The following RUBCN variants were observed in gnomAD, a reference collection of about 807,000 sequenced individuals.
RUBCN encodes run domain Beclin-1-interacting and cysteine-rich domain-containing protein.
RUBCN carries 74 observed loss-of-function variants against 113.2 expected under a neutral mutation model. The observed-to-expected ratio is 0.65, with a 90% CI of 0.54 to 0.79. The LOEUF (loss-of-function observed/expected upper bound fraction) is 0.79. Among genes scored for constraint, RUBCN ranks in the 30% least tolerant of loss-of-function variants. The pLI is 0.00. For missense variants in RUBCN, 1,109 were observed against 1,251.7 expected, an observed-to-expected ratio of 0.89 and a Z score of 1.72; for synonymous variants, 480 against 490.0, an observed-to-expected ratio of 0.98 and a Z score of 0.27.
Position 197,718,009 on chromosome 3 carries a change from T to C in RUBCN, c.187A>G (p.Ser63Gly). 1 of 1,614,104 alleles carries C rather than the reference T, an allele frequency of 6.2e-7. No homozygotes were observed. The highest frequency in any genetic ancestry group is 1.1e-5 in the South Asian group (1 of 91,078). ...CGGATAAGCCCGTGATAGAGGATGC[T>C]CTGCATGTCCCTGCAAAGCCGCTCC... ...GLERLCRDMQ[S>G]ILYHGLIRDQ... Residue 63 changes from serine (S) to glycine (G), a missense_variant, in exon 2 of 20, where the codon AGC (serine) becomes GGC (glycine). Coordinates refer to ENST00000296343, the MANE Select transcript of RUBCN (RefSeq NM_014687.4).
chr3:197,704,498 C>T, intron 4 of RUBCN, 44 bp downstream of exon 4: 1 of 1,590,692 alleles, frequency 6.3e-7, no homozygotes, highest in Non-Finnish European at 8.6e-7. Flanking sequence ...AGGTGGGTGA[C>T]AACGAGGAAG....
chr3:197,747,609 C>G (rs1365625534), intron 1 of RUBCN, among the ~76,000 whole-genome samples: 1 of 151,910 alleles, frequency 6.6e-6, no homozygotes, highest in Non-Finnish European at 1.5e-5. Flanking sequence ...CAAAATGCCT[C>G]CAAACTCTAA....
In RUBCN at chr3:197,701,766, C is replaced by T; in HGVS notation, c.669G>A (p.Gln223=). The T allele has an allele frequency of 6.2e-7, 1 of 1,614,108 alleles. No homozygotes were observed. The highest frequency in any genetic ancestry group is 8.5e-7 in the Non-Finnish European group (1 of 1,179,968). The part of the protein sequence containing the change: ...STYTPPNSYA[Q]HSYFGSFSSL... Reference sequence around the variant, plus strand: ...TAGAGAAGGACCCAAAGTAGGAATGCTGAGCATAGCTGTTTGGAGGGGTGT... The same window carrying T: ...TAGAGAAGGACCCAAAGTAGGAATGTTGAGCATAGCTGTTTGGAGGGGTGT... The change falls in exon 6 of 20, where the codon CAG becomes CAA. Residue 223 remains glutamine (Q), a synonymous_variant. Transcript: ENST00000296343.
At chr3:197,700,423 C>T (rs1184877447) in intron 7 of RUBCN, 190 bp downstream of exon 7, 3 of 619,104 alleles carry the variant, frequency 4.8e-6, no homozygotes, top group Non-Finnish European at 8.5e-6. Context: ...TATAAAGAAA[C>T]AAACATAAAT....
Position 197,703,625 on chromosome 3 carries a change from C to A in RUBCN, c.493G>T (p.Val165Phe), listed in dbSNP as rs774764706. 1.9e-6 allele frequency: 3 copies of A among 1,613,798 alleles called. No homozygotes were observed. The highest frequency in any genetic ancestry group is 2.5e-6 in the Non-Finnish European group (3 of 1,179,904). The change falls in exon 5 of 20, where the codon GTC (valine) becomes TTC (phenylalanine). Residue 165 changes from valine (V) to phenylalanine (F), a missense_variant. By Grantham distance (50) the Val-to-Phe change is conservative (BLOSUM62 -1). Transcript: ENST00000296343. ...TCCAGGCACTGCAGCATGGCCGTGA[C>A]ATGAGCGTCACTTAGCAGGAAGGCA... is the stretch of plus-strand genomic sequence containing the variant. ...DAAFLLSDAH[V>F]TAMLQCLEAV... is the part of the protein sequence containing the mutation.
chr3:197,715,213 C>T (rs990812321), intron 2 of RUBCN, among the ~76,000 whole-genome samples: 3 of 148,308 alleles, frequency 2.0e-5, no homozygotes, highest in South Asian at 2.2e-4. Flanking sequence ...CGCTTGAACC[C>T]GGGAGGCAGA....
In RUBCN at chr3:197,736,895, T is replaced by A; in HGVS notation, c.-176A>T. Reference sequence around the variant, plus strand: ...ACCGCCGCCTGGGCTGCGGCTTCTATCCCGGCCACCCCCACTTCCGGCTCC... The same window carrying A: ...ACCGCCGCCTGGGCTGCGGCTTCTAACCCGGCCACCCCCACTTCCGGCTCC... On this transcript the variant is annotated 5_prime_UTR_variant, in exon 1 of 20. Coordinates refer to ENST00000296343, the MANE Select transcript of RUBCN (RefSeq NM_014687.4). The A allele has an allele frequency of 7.3e-7, 1 of 1,365,096 alleles. No homozygotes were observed. The highest frequency in any genetic ancestry group is 9.4e-7 in the Non-Finnish European group (1 of 1,066,194). The allele number at this position is 1,365,096 out of a possible 1,614,324, so 84.6% of individuals were successfully genotyped here.
chr3:197,701,701 C>T lies in RUBCN; in HGVS notation c.727+7G>A. 8 of 1,613,522 alleles carry T rather than the reference C, an allele frequency of 5.0e-6. No homozygotes were observed. The highest frequency in any genetic ancestry group is 6.8e-6 in the Non-Finnish European group (8 of 1,179,532). On this transcript the variant is annotated splice_region_variant and intron_variant, in intron 6 of 19. Transcript: ENST00000296343. ...AATGTAATGACCACTTTTTCCTGTC[C>T]CCATACCTGAGCCATTGTTGGGCAC...
In RUBCN at chr3:197,675,557, A is replaced by G. The variant is rs1340129816; in HGVS notation, c.2647-42T>C. The G allele has an allele frequency of 6.8e-7, 1 of 1,471,510 alleles. No individual in the cohort carries two copies. Among genetic ancestry groups the G allele is most frequent in the Non-Finnish European group, 9.5e-7 (1 of 1,051,884 alleles). The allele number at this position is 1,471,510 out of a possible 1,614,324, so 91.2% of individuals were successfully genotyped here. A position where few individuals can be genotyped will look rare whatever the true frequency, so the allele number is the denominator to read the frequency against. On this transcript the variant is annotated intron_variant, in intron 18 of 19. Coordinates refer to ENST00000296343, the MANE Select transcript of RUBCN (RefSeq NM_014687.4). The surrounding 1 kb of genome is among the most constrained non-coding windows in gnomAD (Gnocchi z 4.4). Reference sequence around the variant, plus strand: ...CAGATGGCAAAATGAGGAGCGGCACATCAGGAACTGGCACGGGAGGGTGAA... The same window carrying G: ...CAGATGGCAAAATGAGGAGCGGCACGTCAGGAACTGGCACGGGAGGGTGAA...
intron 16 of RUBCN, among the ~76,000 whole-genome samples, chr3:197,678,184 G>A (rs1720686092): frequency 2.1e-5 from 3 of 145,702 alleles, no homozygotes; most frequent in Admixed American, 6.8e-5. Flanking sequence ...ACTGTCCCAC[G>A]CTCTAACTCG....
chr3:197,669,814 T>C lies in RUBCN; in HGVS notation c.*5204A>G, dbSNP rs1014820105. 6.6e-6 allele frequency among the ~76,000 whole-genome samples: 1 copy of C among 152,230 alleles called. No individual in the cohort carries two copies. Among genetic ancestry groups the C allele is most frequent in the Non-Finnish European group, 1.5e-5 (1 of 68,042 alleles). ...ATGTATGTATGGACTAATAAATATA[T>C]ATTTGACATACACTTTTTCTAACTT... is the stretch of plus-strand genomic sequence containing the variant. On this transcript the variant is annotated 3_prime_UTR_variant, in exon 20 of 20. Transcript: ENST00000296343.
At chr3:197,676,142 C>T (rs1720386070) in intron 18 of RUBCN, 1 of 975,702 alleles carries the variant, frequency 1.0e-6, no homozygotes, top group African/African-American at 1.8e-5. Context: ...ACAAATTACC[C>T]CATCAACCCT....
At chr3:197,740,783 GT>G (rs1465819773), upstream of RUBCN, among the ~76,000 whole-genome samples, 13 of 151,894 alleles carry the variant, frequency 8.6e-5, no homozygotes, top group African/African-American at 2.9e-4. Context: ...ACCACGCCCA[GT>G]TAGTTTTTAT....
chr3:197,715,971 G>C (rs558268734), intron 2 of RUBCN, among the ~76,000 whole-genome samples: 2 of 152,058 alleles, frequency 1.3e-5, no homozygotes, highest in Admixed American at 1.3e-4. Context: ...AGGAAGAGCT[G>C]ATTATTTTGT....
rs1173858607 is a variant in RUBCN at position 197,736,861 on chromosome 3, G to C, written c.-142C>G. 11 of 1,379,408 alleles carry C rather than the reference G, an allele frequency of 8.0e-6. No homozygotes were observed. The highest frequency in any genetic ancestry group is 1.0e-5 in the Non-Finnish European group (11 of 1,074,328). 85.4% of individuals were successfully genotyped at this position (1,379,408 alleles called of 1,614,324 possible). ...GATGCGCTACACCCGGGCGGCGACA[G>C]CGGGAGGGACCGCCGCCTGGGCTGC... is the stretch of plus-strand genomic sequence containing the variant. On this transcript the variant is annotated 5_prime_UTR_variant, in exon 1 of 20. Transcript: ENST00000296343.
At chr3:197,727,911 G>C (rs910739135) in intron 1 of RUBCN, among the ~76,000 whole-genome samples, 1 of 152,250 alleles carries the variant, frequency 6.6e-6, no homozygotes, top group Non-Finnish European at 1.5e-5. Context: ...GCAATGGCAC[G>C]GGAGGAAAGA....
At chr3:197,685,007 C>T (rs1407578063) in intron 11 of RUBCN, among the ~76,000 whole-genome samples, 2 of 152,192 alleles carry the variant, frequency 1.3e-5, no homozygotes, top group East Asian at 3.8e-4. Context: ...CTTTGCAGCT[C>T]TCTGGAGATG....
chr3:197,681,082 GGGA>G lies in RUBCN; in HGVS notation c.2430+44_2430+46del. 2 of 1,228,756 alleles carry G rather than the reference GGGA, an allele frequency of 1.6e-6. No homozygotes were observed. Among genetic ancestry groups the G allele is most frequent in the African/African-American group, 1.5e-5 (1 of 66,414 alleles). 76.1% of individuals were successfully genotyped at this position (1,228,756 alleles called of 1,614,324 possible). A position where few individuals can be genotyped will look rare whatever the true frequency, so the allele number is the denominator to read the frequency against. On this transcript the variant is annotated intron_variant, in intron 16 of 19. Transcript: ENST00000296343. This position sits in a 1 kb window ranked among gnomAD's most constrained non-coding sequence, Gnocchi z 5.5. ...GGGAGGGACGAGGGGAGGGGATGAG[GGGA>G]GGAGAAGGGCAAGACTCTAAGGTGG...
intron 2 of RUBCN, among the ~76,000 whole-genome samples, chr3:197,717,308 G>T (rs1298353634): frequency 1.3e-5 from 2 of 152,034 alleles, no homozygotes; most frequent in African/African-American, 4.8e-5. Context: ...GCCGGGCCTG[G>T]TGGCGGGCGC....
Sources: allele counts gnomAD v4.1 joint callset (sites outside exome capture counted in the v4.1 genomes callset), GRCh38; gene constraint gnomAD v4.1.1; non-coding constraint Gnocchi (gnomAD v3.1); transcripts MANE v1.5; gene names NCBI Gene and HGNC (gene_info 2026-07-23, HGNC 2026-07-21).